Variants in TRPM3 observed in about 807,000 individuals in gnomAD.
TRPM3 encodes the protein long transient receptor potential channel 3.
In TRPM3, 77 loss-of-function variants were observed where a neutral mutation model predicts 181.2. The ratio of observed to expected loss-of-function variants is 0.42; its 90% CI spans 0.35 to 0.51. TRPM3 has a LOEUF of 0.51. TRPM3 is among the 20% of genes least tolerant of loss of function. TRPM3 has a pLI of 0.01. For missense variants in TRPM3, 1,759 were observed against 2,196.7 expected (o/e 0.80, Z 3.98); for synonymous variants, 745 against 796.4 (o/e 0.94, Z 1.09).
chr9:71,205,086 A>G (rs1489152714), intron 1 of TRPM3, among the ~76,000 whole-genome samples: 1 of 151,984 alleles, frequency 6.6e-6, no homozygotes, highest in East Asian at 1.9e-4. Context: ...GCAGGGAGGA[A>G]TTGCATTAGG....
At chr9:70,584,214 T>C (rs930304089) in intron 22 of TRPM3, among the ~76,000 whole-genome samples, 1 of 152,028 alleles carries the variant, frequency 6.6e-6, no homozygotes, top group Non-Finnish European at 1.5e-5. Context: ...TTTTTATGAG[T>C]CCACTTCCCC....
chr9:70,943,358 T>C (rs2096903588), intron 1 of TRPM3, among the ~76,000 whole-genome samples: 1 of 152,224 alleles, frequency 6.6e-6, no homozygotes, highest in Non-Finnish European at 1.5e-5. Flanking sequence ...TGCCATTGCA[T>C]TTACCCATGA....
chr9:71,053,864 A>G (rs1025116878), intron 1 of TRPM3, among the ~76,000 whole-genome samples: 1 of 152,076 alleles, frequency 6.6e-6, no homozygotes, highest in Non-Finnish European at 1.5e-5. Flanking sequence ...CAACTATCAC[A>G]AAACAGGGTC....
chr9:70,610,855 C>T (rs2061898546), intron 18 of TRPM3, 106 bp from the exon 19 acceptor site: 15 of 1,351,136 alleles, frequency 1.1e-5, no homozygotes, highest in Non-Finnish European at 1.5e-5. Context: ...AACCTAAGAA[C>T]CCAAGGCCCC....
intron 9 of TRPM3, among the ~76,000 whole-genome samples, chr9:70,679,363 A>G (rs1434552434): frequency 6.6e-6 from 1 of 152,266 alleles, no homozygotes; most frequent in Non-Finnish European, 1.5e-5. Context: ...TAATGCAATG[A>G]ATAAATTCTA....
chr9:71,401,778 A>C (rs112774616), intron 1 of TRPM3, among the ~76,000 whole-genome samples: 2 of 152,164 alleles, frequency 1.3e-5, no homozygotes, highest in African/African-American at 4.8e-5. Context: ...CTTGCTTGCC[A>C]TTTCAAAGGA....
At chr9:70,984,895 C>T (rs1422250891) in intron 1 of TRPM3, among the ~76,000 whole-genome samples, 3 of 152,166 alleles carry the variant, frequency 2.0e-5, no homozygotes, top group Non-Finnish European at 2.9e-5. Flanking sequence ...ATATGTCATC[C>T]GTATTTTATT....
intron 20 of TRPM3, among the ~76,000 whole-genome samples, chr9:70,602,788 G>A (rs2060300932): frequency 6.6e-6 from 1 of 152,166 alleles, no homozygotes; most frequent in Admixed American, 6.5e-5. Context: ...GAGAAAAGAG[G>A]GACCCTGCAC....
intron 1 of TRPM3, among the ~76,000 whole-genome samples, chr9:70,969,194 T>C (rs925029043): frequency 6.6e-6 from 1 of 151,820 alleles, no homozygotes; most frequent in African/African-American, 2.4e-5. Flanking sequence ...AAACACCGCA[T>C]GTTCTCACTC....
intron 22 of TRPM3, among the ~76,000 whole-genome samples, chr9:70,584,932 G>A (rs1333964535): frequency 2.6e-5 from 4 of 152,098 alleles, no homozygotes; most frequent in Non-Finnish European, 5.9e-5. Flanking sequence ...GTCATGACTG[G>A]GGAAACACAC....
chr9:70,746,274 AG>A (rs2075140134), intron 8 of TRPM3, among the ~76,000 whole-genome samples: 1 of 151,352 alleles, frequency 6.6e-6, no homozygotes, highest in Non-Finnish European at 1.5e-5. Context: ...AAACAGAGAG[AG>A]AGAGAGAGAG....
In TRPM3 at chr9:70,858,457, G is replaced by A. The variant is rs141035143; in HGVS notation, c.462+4451C>T. ...TCCTGCCAGATAAAATGAGACCTCC[G>A]ACCTGTGGACAGCTCCACCCCTTTG... On this transcript the variant is annotated intron_variant, in intron 3 of 25. Transcript: ENST00000677713. Among the ~76,000 whole-genome samples, 119 of 152,206 alleles carry A rather than the reference G, an allele frequency of 7.8e-4. 1 individual carries two copies. Among genetic ancestry groups the A allele is most frequent in the African/African-American group, 2.7e-3 (113 of 41,534 alleles).
Position 71,299,455 on chromosome 9 carries a change from G to GA in TRPM3, c.183+147197dup, listed in dbSNP as rs201894251. On this transcript the variant is annotated intron_variant, in intron 1 of 24. Coordinates refer to the TRPM3 transcript ENST00000357533. ...GGAATTGAAACTGAGAAAGGAAAAA[G>GA]AAAAAATAGGAAGTTAGGAGGAAGA... 4.9e-3 allele frequency among the ~76,000 whole-genome samples: 686 copies of GA among 139,934 alleles called. 20 individuals carry two copies. Among genetic ancestry groups the GA allele is most frequent in the Admixed American group, 0.043 (583 of 13,496 alleles). 91.8% of individuals were successfully genotyped at this position (139,934 alleles called of 152,430 possible).
At chr9:71,035,867 A>T (rs2058120521) in intron 1 of TRPM3, among the ~76,000 whole-genome samples, 1 of 152,098 alleles carries the variant, frequency 6.6e-6, no homozygotes, top group Non-Finnish European at 1.5e-5. Flanking sequence ...AGGCCATAAA[A>T]TATATGGTAC....
At chr9:70,747,847 A>C (rs184140342) in intron 8 of TRPM3, among the ~76,000 whole-genome samples, 12 of 152,254 alleles carry the variant, frequency 7.9e-5, no homozygotes, top group African/African-American at 2.6e-4. Flanking sequence ...GCAATAGTCT[A>C]GGCAAGGAAG....
chr9:70,838,315 A>G (rs2094443452), intron 5 of TRPM3, among the ~76,000 whole-genome samples: 1 of 152,168 alleles, frequency 6.6e-6, no homozygotes, highest in African/African-American at 2.4e-5. Flanking sequence ...GATAATGAGG[A>G]GAGGGGACCT....
chr9:70,753,297 C>A (rs2076509636), intron 8 of TRPM3, among the ~76,000 whole-genome samples: 1 of 152,020 alleles, frequency 6.6e-6, no homozygotes, highest in Non-Finnish European at 1.5e-5. Context: ...ATCTGTAACA[C>A]AACCAACAAA....
intron 1 of TRPM3, among the ~76,000 whole-genome samples, chr9:71,018,966 G>A (rs1222929859): frequency 1.3e-5 from 2 of 151,904 alleles, no homozygotes; most frequent in African/African-American, 4.8e-5. Flanking sequence ...CATTTCAGGA[G>A]TGTAAGAATG....
chr9:71,182,002 G>A (rs1472198793), intron 1 of TRPM3, among the ~76,000 whole-genome samples: 2 of 152,056 alleles, frequency 1.3e-5, no homozygotes, highest in African/African-American at 4.8e-5. Flanking sequence ...GTCATTGTTA[G>A]GCATGTTAAA....
Sources: allele counts gnomAD v4.1 joint callset (sites outside exome capture counted in the v4.1 genomes callset), GRCh38; gene constraint gnomAD v4.1.1; transcripts MANE v1.5; gene names NCBI Gene and HGNC (gene_info 2026-07-23, HGNC 2026-07-21).